The following EIF2B3 variants were observed in gnomAD, a reference collection of about 807,000 sequenced individuals.
EIF2B3 encodes the protein eukaryotic translation initiation factor 2B subunit gamma.
Under a neutral mutation model 54.1 loss-of-function variants are expected in EIF2B3, and 20 were observed. That is an observed-to-expected ratio of 0.37 (90% CI 0.26 to 0.54). The LOEUF (loss-of-function observed/expected upper bound fraction) is 0.54. EIF2B3 is among the 20% of genes least tolerant of loss of function. The pLI, the probability that EIF2B3 is intolerant of heterozygous loss-of-function variation, is 0.86. For missense variants in EIF2B3, 448 were observed against 547.8 expected, an observed-to-expected ratio of 0.82 and a Z score of 1.82; for synonymous variants, 153 against 188.1, an observed-to-expected ratio of 0.81 and a Z score of 1.52.
intron 8 of EIF2B3, among the ~76,000 whole-genome samples, chr1:44,878,261 A>G (rs890453651): frequency 1.3e-5 from 2 of 151,686 alleles, no homozygotes; most frequent in African/African-American, 4.8e-5. Flanking sequence ...GTCAATCCCA[A>G]TTTTCTTTTT....
At chr1:44,973,864 G>A (rs1163446619) in intron 3 of EIF2B3, among the ~76,000 whole-genome samples, 1 of 152,136 alleles carries the variant, frequency 6.6e-6, no homozygotes, top group Non-Finnish European at 1.5e-5. Flanking sequence ...ACAAGATGAA[G>A]GTTATAGAGA....
chr1:44,858,667 G>A (rs1654513859), intron 10 of EIF2B3, among the ~76,000 whole-genome samples: 1 of 151,982 alleles, frequency 6.6e-6, no homozygotes, highest in Non-Finnish European at 1.5e-5. Flanking sequence ...GTTTCACCAT[G>A]TTGGCCAGGA....
At chr1:44,948,682 T>G (rs1447007400) in intron 3 of EIF2B3, among the ~76,000 whole-genome samples, 2 of 152,162 alleles carry the variant, frequency 1.3e-5, no homozygotes, top group Admixed American at 6.5e-5. Flanking sequence ...TACTTAATTC[T>G]GTACACCACC....
At chr1:44,977,078 T>C (rs1014283844) in intron 3 of EIF2B3, among the ~76,000 whole-genome samples, 6 of 152,316 alleles carry the variant, frequency 3.9e-5, no homozygotes, top group African/African-American at 1.4e-4. Context: ...CAAAAGTCGG[T>C]TGAAAATAAC....
chr1:44,864,302 T>C (rs1273445262), intron 10 of EIF2B3, among the ~76,000 whole-genome samples: 2 of 152,068 alleles, frequency 1.3e-5, no homozygotes, highest in South Asian at 2.1e-4. Flanking sequence ...CGGTGGCTCA[T>C]GCCTGTAATC....
chr1:44,967,811 G>A (rs1315830146), intron 3 of EIF2B3, among the ~76,000 whole-genome samples: 3 of 149,838 alleles, frequency 2.0e-5, no homozygotes, highest in Middle Eastern at 3.6e-3. Context: ...AGGCCGAGGC[G>A]AGCAAATCAA....
chr1:44,945,161 T>C (rs188817753), intron 3 of EIF2B3, among the ~76,000 whole-genome samples: 1 of 152,248 alleles, frequency 6.6e-6, no homozygotes, highest in East Asian at 1.9e-4. Context: ...CAATTTCTTT[T>C]GAAGGCCTTT....
chr1:44,867,433 G>A (rs1654816142), intron 10 of EIF2B3, among the ~76,000 whole-genome samples: 1 of 152,056 alleles, frequency 6.6e-6, no homozygotes, highest in South Asian at 2.1e-4. Context: ...CATCCCTCAA[G>A]CCCTGAAGAC....
intron 10 of EIF2B3, among the ~76,000 whole-genome samples, chr1:44,865,044 C>A (rs983356072): frequency 1.3e-5 from 2 of 152,118 alleles, no homozygotes; most frequent in Non-Finnish European, 2.9e-5. Context: ...CATGGTGAAA[C>A]CCTGTCTCTA....
chr1:44,937,654 C>T (rs568044766), intron 4 of EIF2B3, among the ~76,000 whole-genome samples: 43 of 151,618 alleles, frequency 2.8e-4, no homozygotes, highest in Non-Finnish European at 5.5e-4. Context: ...GAGGCCGAGG[C>T]GGGCGGATCA....
chr1:44,955,779 A>C (rs1644217337), intron 3 of EIF2B3, among the ~76,000 whole-genome samples: 1 of 152,258 alleles, frequency 6.6e-6, no homozygotes, highest in Admixed American at 6.5e-5. Context: ...ATCACTGGTC[A>C]TTAGAAAAAT....
rs1278790977 is a variant in EIF2B3, at chr1:44,950,413, T to C, written c.295-8748A>G. On this transcript the variant is annotated intron_variant, in intron 3 of 11. Transcript: ENST00000360403. ...CTCCAGCACCCGTGACAGAGTGAGA[T>C]CGTGTTTCTAAAAAACAAACAAACA... Among the ~76,000 whole-genome samples, 4 of 152,012 alleles carry C rather than the reference T, an allele frequency of 2.6e-5. No individual in the cohort carries two copies. The South Asian group carries it at 8.3e-4, about 31-fold the overall frequency.
intron 10 of EIF2B3, among the ~76,000 whole-genome samples, chr1:44,862,242 T>A (rs967075085): frequency 1.3e-5 from 2 of 152,232 alleles, no homozygotes; most frequent in African/African-American, 4.8e-5. Flanking sequence ...TGTCTAGCTG[T>A]GTTCTCTAAG....
At chr1:44,889,211 C>A (rs141704868) in intron 6 of EIF2B3, among the ~76,000 whole-genome samples, 3 of 152,124 alleles carry the variant, frequency 2.0e-5, no homozygotes, top group Non-Finnish European at 4.4e-5. Context: ...TGGCTAGAGT[C>A]GGGTAATAAG....
chr1:44,941,771 A>G, intron 3 of EIF2B3, 106 bp from the exon 4 acceptor site: 1 of 1,297,396 alleles, frequency 7.7e-7, no homozygotes, highest in Non-Finnish European at 1.1e-6. Context: ...ATCAGACAAT[A>G]CTCTTCAAGC....
chr1:44,903,488 C>A (rs1030471913), intron 5 of EIF2B3, among the ~76,000 whole-genome samples: 2 of 152,192 alleles, frequency 1.3e-5, no homozygotes, highest in African/African-American at 2.4e-5. Context: ...ATCCTGCTCA[C>A]TGCCTAAGTA....
intron 3 of EIF2B3, among the ~76,000 whole-genome samples, chr1:44,966,071 A>G (rs1644335703): frequency 6.6e-6 from 1 of 152,130 alleles, no homozygotes; most frequent in Non-Finnish European, 1.5e-5. Context: ...CCCCTTATCT[A>G]TTCACAGTAA....
In EIF2B3 at chr1:44,881,838, G is replaced by A; in HGVS notation, c.657-99C>T. ...ACAAGGAAAAGCCAAATCCTTTCCT[G>A]TCATGGCACCTTGGGACTGTCAGAG... On this transcript the variant is annotated intron_variant, in intron 6 of 11. Coordinates refer to ENST00000360403, the MANE Select transcript of EIF2B3 (RefSeq NM_020365.5). The surrounding 1 kb of genome is among the most constrained non-coding windows in gnomAD (Gnocchi z 4.0). 1 of 1,496,546 alleles carries A rather than the reference G, an allele frequency of 6.7e-7. No individual in the cohort carries two copies. The highest frequency in any genetic ancestry group is 9.2e-7 in the Non-Finnish European group (1 of 1,088,982). The allele number at this position is 1,496,546 out of a possible 1,614,324, so 92.7% of individuals were successfully genotyped here. A position where few individuals can be genotyped will look rare whatever the true frequency, so the allele number is the denominator to read the frequency against.
chr1:44,925,160 A>G (rs542071244), intron 5 of EIF2B3: 2 of 152,322 alleles, frequency 1.3e-5, no homozygotes, highest in South Asian at 4.1e-4. Flanking sequence ...TCTCTACCAT[A>G]TGATCCAGTA....
Sources: allele counts gnomAD v4.1 joint callset (sites outside exome capture counted in the v4.1 genomes callset), GRCh38; gene constraint gnomAD v4.1.1; non-coding constraint Gnocchi (gnomAD v3.1); transcripts MANE v1.5; gene names NCBI Gene and HGNC (gene_info 2026-07-23, HGNC 2026-07-21).